OLFM3: variants seen among roughly 807,000 people sequenced by gnomAD.
The protein encoded by OLFM3 is olfactomedin 3.
In OLFM3, 20 loss-of-function variants were observed where a neutral mutation model predicts 48.6. That is an observed-to-expected ratio of 0.41 (90% CI 0.29 to 0.60). OLFM3 has a LOEUF of 0.60. Among genes scored for constraint, OLFM3 ranks in the 20% least tolerant of loss-of-function variants. The pLI is 0.28. For synonymous variants in OLFM3, 222 were observed against 198.1 expected (o/e 1.12, Z -1.01); for missense variants, 437 against 544.3 (o/e 0.80, Z 1.96).
At chr1:101,847,474 T>C (rs1656052974) in intron 1 of OLFM3, among the ~76,000 whole-genome samples, 1 of 152,096 alleles carries the variant, frequency 6.6e-6, no homozygotes, top group African/African-American at 2.4e-5. Flanking sequence ...AGGAAGAACA[T>C]GAAAATAAAG....
At chr1:101,805,965 T>A (rs557519046) in intron 5 of OLFM3, 111 bp downstream of exon 5, 1 of 639,584 alleles carries the variant, frequency 1.6e-6, no homozygotes, top group Non-Finnish European at 2.7e-6. Flanking sequence ...GCAAATTATG[T>A]ACCAGTTTTC....
intron 1 of OLFM3, among the ~76,000 whole-genome samples, chr1:101,891,374 A>G (rs1285655649): frequency 6.6e-6 from 1 of 151,964 alleles, no homozygotes; most frequent in Admixed American, 6.6e-5. Flanking sequence ...CAAGTATTCC[A>G]GATAAGGGAG....
At chr1:101,831,780 G>C (rs551786613) in intron 2 of OLFM3, among the ~76,000 whole-genome samples, 37 of 152,276 alleles carry the variant, frequency 2.4e-4, no homozygotes, top group African/African-American at 8.4e-4. Context: ...CATTTATCAA[G>C]ATTCCCAAGT....
chr1:101,926,944 T>TA (rs1156787558), intron 1 of OLFM3, among the ~76,000 whole-genome samples: 1 of 151,972 alleles, frequency 6.6e-6, no homozygotes, highest in Non-Finnish European at 1.5e-5. Context: ...ACAACAGCAA[T>TA]AAAAAAAGAA....
At chr1:101,824,617 C>G (rs1654761901) in intron 4 of OLFM3, among the ~76,000 whole-genome samples, 1 of 150,214 alleles carries the variant, frequency 6.7e-6, no homozygotes, top group African/African-American at 2.5e-5. Context: ...TTTCCTTTCT[C>G]TAGTCTCCAA....
At chr1:101,932,907 T>C (rs1000027158) in intron 1 of OLFM3, among the ~76,000 whole-genome samples, 1 of 151,722 alleles carries the variant, frequency 6.6e-6, no homozygotes, top group Non-Finnish European at 1.5e-5. Flanking sequence ...AAGAATGCAA[T>C]AAAACAATAC....
At chr1:101,837,670 C>G (rs1044033352) in intron 1 of OLFM3, 3 of 152,186 alleles carry the variant, frequency 2.0e-5, no homozygotes, top group African/African-American at 7.2e-5. Flanking sequence ...CTTCTTAGAA[C>G]TCAAGTGTGA....
chr1:101,981,556 T>C (rs1661106947), intron 1 of OLFM3, among the ~76,000 whole-genome samples: 1 of 152,206 alleles, frequency 6.6e-6, no homozygotes, highest in African/African-American at 2.4e-5. Flanking sequence ...ACACTAGTGA[T>C]TCTCAAAATG....
intron 1 of OLFM3, among the ~76,000 whole-genome samples, chr1:101,959,218 A>G (rs1281574420): frequency 6.6e-6 from 1 of 152,134 alleles, no homozygotes; most frequent in Non-Finnish European, 1.5e-5. Flanking sequence ...ATTACAGAAT[A>G]ATGTTTTATT....
chr1:101,941,888 C>T (rs1010612886), intron 1 of OLFM3, among the ~76,000 whole-genome samples: 25 of 152,124 alleles, frequency 1.6e-4, no homozygotes, highest in African/African-American at 5.6e-4. Context: ...TAAAAAGATA[C>T]CAGTAAAACT....
chr1:101,940,999 T>C (rs1459656848), intron 1 of OLFM3, among the ~76,000 whole-genome samples: 1 of 152,180 alleles, frequency 6.6e-6, no homozygotes, highest in Middle Eastern at 3.4e-3. Flanking sequence ...AGGCTGTAGG[T>C]AAAATGCAAG....
chr1:101,811,909 C>T (rs575769832), intron 4 of OLFM3, among the ~76,000 whole-genome samples: 169 of 152,238 alleles, frequency 1.1e-3, no homozygotes, highest in Admixed American at 1.9e-3. Context: ...CGGCACTATT[C>T]ACAATAGCAA....
At chr1:101,858,590 T>G (rs1656522627) in intron 1 of OLFM3, among the ~76,000 whole-genome samples, 1 of 152,020 alleles carries the variant, frequency 6.6e-6, no homozygotes, top group African/African-American at 2.4e-5. Flanking sequence ...AGGAGGGGCC[T>G]GGTGGGAGGT....
intron 1 of OLFM3, among the ~76,000 whole-genome samples, chr1:101,847,264 T>G (rs1250235070): frequency 6.6e-6 from 1 of 152,142 alleles, no homozygotes; most frequent in African/African-American, 2.4e-5. Flanking sequence ...GGCGGAAACT[T>G]GAGCTTTCCC....
At chr1:101,894,962 A>T (rs1016355611) in intron 1 of OLFM3, among the ~76,000 whole-genome samples, 1 of 152,288 alleles carries the variant, frequency 6.6e-6, no homozygotes, top group Non-Finnish European at 1.5e-5. Context: ...CTCAGGATAC[A>T]GGGGACATGA....
intron 1 of OLFM3, among the ~76,000 whole-genome samples, chr1:101,973,498 C>T (rs1660867218): frequency 6.6e-6 from 1 of 152,182 alleles, no homozygotes; most frequent in Non-Finnish European, 1.5e-5. Flanking sequence ...TATTCACAAA[C>T]ATACCTAGAA....
intron 1 of OLFM3, among the ~76,000 whole-genome samples, chr1:101,953,043 A>C (rs927381598): frequency 6.6e-6 from 1 of 152,190 alleles, no homozygotes; most frequent in Non-Finnish European, 1.5e-5. Context: ...ACAAAAATGC[A>C]TGCTAGTTTC....
chr1:101,898,570 C>T (rs564880497), intron 1 of OLFM3, among the ~76,000 whole-genome samples: 17 of 152,128 alleles, frequency 1.1e-4, no homozygotes, highest in African/African-American at 2.6e-4. Context: ...GAATTGAGGC[C>T]GGGCATGGTC....
chr1:101,923,512 G>T (rs1412924924), intron 1 of OLFM3, among the ~76,000 whole-genome samples: 3 of 152,108 alleles, frequency 2.0e-5, no homozygotes, highest in Non-Finnish European at 4.4e-5. Context: ...CTTGCTAGTG[G>T]AGTAATTAAA....
Sources: gnomAD v4.1 joint callset for allele counts (sites outside exome capture counted in the v4.1 genomes callset) on GRCh38, gnomAD v4.1.1 for gene constraint, MANE v1.5 for transcripts, NCBI Gene and HGNC (gene_info 2026-07-23, HGNC 2026-07-21) for gene names.